Variants in MALRD1 observed in about 807,000 individuals in gnomAD.
The protein encoded by MALRD1 is MAM and LDL-receptor class A domain-containing protein 1.
In MALRD1, 247 loss-of-function variants were observed where a neutral mutation model predicts 242.1. The ratio of observed to expected loss-of-function variants is 1.02; its 90% CI spans 0.92 to 1.13. The LOEUF (loss-of-function observed/expected upper bound fraction) is 1.13, where lower values mean the gene tolerates loss of function less well. Ranked by LOEUF, MALRD1 falls within the 50% of genes most tolerant of loss-of-function variation. The pLI, the probability that MALRD1 is intolerant of heterozygous loss-of-function variation, is 0.00. For synonymous variants in MALRD1, 995 were observed against 866.6 expected, an observed-to-expected ratio of 1.15 and a Z score of -2.60; for missense variants, 2,989 against 2,533.1, an observed-to-expected ratio of 1.18 and a Z score of -3.86.
In MALRD1 at chr10:19,648,648, G is replaced by A. The variant is rs147121699; in HGVS notation, c.6137+32725G>A. Among the ~76,000 whole-genome samples the A allele has an allele frequency of 4.1e-3, 630 of 152,176 alleles. 8 individuals are homozygous for A. The East Asian group carries it at 0.054, about 13-fold the overall frequency. ...CAAACTTACAGAGATTCAGAAAAAG[G>A]TAACCCTTAGTCAAAGAAAAAAGCA... On this transcript the variant is annotated intron_variant, in intron 36 of 39. Transcript: ENST00000454679.
At chr10:19,163,160 A>AAAAAAAAAAAAAAC in intron 12 of MALRD1, among the ~76,000 whole-genome samples, 1 of 145,204 alleles carries the variant, frequency 6.9e-6, no homozygotes, top group African/African-American at 2.7e-5. Context: ...AAAAAAAAAA[A>AAAAAAAAAAAAAAC]AAAAAGACAT....
intron 21 of MALRD1, chr10:19,290,178 A>G (rs1039756112): frequency 1.3e-5 from 2 of 152,138 alleles, no homozygotes; most frequent in African/African-American, 2.4e-5. Flanking sequence ...TGCATCCACA[A>G]TTTAATGGAC....
At chr10:19,649,355 T>C (rs1015364409) in intron 36 of MALRD1, among the ~76,000 whole-genome samples, 1 of 152,160 alleles carries the variant, frequency 6.6e-6, no homozygotes, top group African/African-American at 2.4e-5. Flanking sequence ...CTCCCACCAA[T>C]AGTGTATAAG....
chr10:19,544,267 A>C (rs1368275785), intron 32 of MALRD1, among the ~76,000 whole-genome samples: 3 of 151,990 alleles, frequency 2.0e-5, no homozygotes, highest in African/African-American at 7.3e-5. Flanking sequence ...TTGGCACTGC[A>C]ACTTCTGCCT....
At chr10:19,629,967 T>C (rs984551188) in intron 36 of MALRD1, among the ~76,000 whole-genome samples, 1 of 152,180 alleles carries the variant, frequency 6.6e-6, no homozygotes, top group African/African-American at 2.4e-5. Flanking sequence ...CTTTTTGAAC[T>C]TATCCCTCTT....
chr10:19,065,738 C>T (rs369825350), intron 1 of MALRD1, among the ~76,000 whole-genome samples: 14 of 152,276 alleles, frequency 9.2e-5, no homozygotes, highest in African/African-American at 3.4e-4. Context: ...TCTCCCTAGT[C>T]TCTTGGATCT....
chr10:19,265,653 T>C (rs78432016), intron 19 of MALRD1, among the ~76,000 whole-genome samples: 4,385 of 152,192 alleles, frequency 0.029, 137 homozygotes, highest in East Asian at 0.17. Flanking sequence ...TTATCTATCC[T>C]GGGGAATGTT....
intron 5 of MALRD1, among the ~76,000 whole-genome samples, chr10:19,121,380 T>C (rs1219335919): frequency 6.6e-6 from 1 of 152,156 alleles, no homozygotes; most frequent in Non-Finnish European, 1.5e-5. Flanking sequence ...AAATGGTTAA[T>C]GATATGTTTT....
At chr10:19,352,930 T>C (rs115037609) in intron 26 of MALRD1, among the ~76,000 whole-genome samples, 3,935 of 152,244 alleles carry the variant, frequency 0.026, 138 homozygotes, top group African/African-American at 0.081. Context: ...GAGATGAAAA[T>C]AAATGCAATA....
At chr10:19,055,262 A>G (rs1236369970) in intron 1 of MALRD1, among the ~76,000 whole-genome samples, 3 of 152,176 alleles carry the variant, frequency 2.0e-5, no homozygotes, top group East Asian at 1.9e-4. Context: ...TTTTCTTGCT[A>G]TGAAGTTGCT....
rs542936365 is a variant in MALRD1, at chr10:19,326,464, A to G, written c.3577-1099A>G. On this transcript the variant is annotated intron_variant, in intron 22 of 39. Coordinates refer to ENST00000454679, the MANE Select transcript of MALRD1 (RefSeq NM_001142308.3). ...AAATGTTGCATTAGTAAGTTTCTTG[A>G]ACATATTTTTTCTCAGTGATTTGTA... 2.5e-4 allele frequency among the ~76,000 whole-genome samples: 38 copies of G among 152,188 alleles called. No individual in the cohort carries two copies. The South Asian group carries it at 7.0e-3, about 28-fold the overall frequency.
intron 30 of MALRD1, among the ~76,000 whole-genome samples, chr10:19,496,138 C>A (rs1837710815): frequency 6.6e-6 from 1 of 152,106 alleles, no homozygotes. Flanking sequence ...TTCAACACCC[C>A]ACTGACAGTA....
chr10:19,322,164 A>G (rs61551556), intron 21 of MALRD1, among the ~76,000 whole-genome samples: 202 of 152,268 alleles, frequency 1.3e-3, no homozygotes, highest in African/African-American at 4.8e-3. Context: ...TAAATCATAT[A>G]CATATAGATA....
At chr10:19,338,444 C>CT (rs1167525847) in intron 24 of MALRD1, among the ~76,000 whole-genome samples, 1 of 146,662 alleles carries the variant, frequency 6.8e-6, no homozygotes, top group Non-Finnish European at 1.5e-5. Context: ...TTCAAATTTC[C>CT]TTTTTTCAAT....
intron 2 of MALRD1, among the ~76,000 whole-genome samples, chr10:19,072,398 T>C (rs914987193): frequency 1.3e-5 from 2 of 152,180 alleles, no homozygotes; most frequent in Admixed American, 6.5e-5. Context: ...AACATGGAAA[T>C]GTATAATTAA....
At chr10:19,437,971 G>A (rs1043389172) in intron 28 of MALRD1, among the ~76,000 whole-genome samples, 11 of 151,900 alleles carry the variant, frequency 7.2e-5, no homozygotes, top group South Asian at 2.1e-4. Flanking sequence ...TTTTGAGAAC[G>A]TGTCTTTCTC....
At chr10:19,612,328 C>T (rs979480558) in intron 35 of MALRD1, among the ~76,000 whole-genome samples, 4 of 151,850 alleles carry the variant, frequency 2.6e-5, no homozygotes, top group Non-Finnish European at 5.9e-5. Context: ...TCCTTACTCT[C>T]ATCTTTGGCA....
intron 26 of MALRD1, among the ~76,000 whole-genome samples, chr10:19,364,871 C>T (rs747621979): frequency 6.6e-6 from 1 of 151,946 alleles, no homozygotes; most frequent in Non-Finnish European, 1.5e-5. Context: ...GTCCTTAATT[C>T]AATTGAGGAT....
intron 5 of MALRD1, among the ~76,000 whole-genome samples, chr10:19,107,370 A>G (rs1314962436): frequency 1.3e-5 from 2 of 151,892 alleles, no homozygotes; most frequent in Non-Finnish European, 2.9e-5. Flanking sequence ...TCCCTTTATC[A>G]TTATATTACA....
Sources: allele counts gnomAD v4.1 joint callset (sites outside exome capture counted in the v4.1 genomes callset), GRCh38; gene constraint gnomAD v4.1.1; transcripts MANE v1.5; gene names NCBI Gene and HGNC (gene_info 2026-07-23, HGNC 2026-07-21).